NTN1: variants seen among roughly 807,000 people sequenced by gnomAD.
The protein encoded by NTN1 is netrin-1.
NTN1 carries 11 observed loss-of-function variants against 54.2 expected under a neutral mutation model. The observed-to-expected ratio is 0.20, with a 90% CI of 0.13 to 0.34. The LOEUF is 0.34. Ranked by LOEUF, NTN1 falls within the 10% of genes least tolerant of loss-of-function variation. NTN1 has a pLI of 1.00. For missense variants in NTN1, 740 were observed against 893.1 expected, an observed-to-expected ratio of 0.83 and a Z score of 2.18; for synonymous variants, 371 against 382.0, an observed-to-expected ratio of 0.97 and a Z score of 0.33.
rs371983861 is a variant in NTN1, at chr17:9,211,163, A to G, written c.1412-10005A>G. Among the ~76,000 whole-genome samples the G allele has an allele frequency of 1.3e-5, 2 of 152,124 alleles. No homozygotes were observed. Among genetic ancestry groups the G allele is most frequent in the African/African-American group, 2.4e-5 (1 of 41,428 alleles). ...GGACTCCCTGCAAACTGTAAGCCTC[A>G]TCTCTGGCTGTGCAAACCCCAGCTT... On this transcript the variant is annotated intron_variant, in intron 5 of 6. Coordinates refer to ENST00000173229, the MANE Select transcript of NTN1 (RefSeq NM_004822.3). This position sits in a 1 kb window ranked among gnomAD's most constrained non-coding sequence, Gnocchi z 4.4.
rs192041566 is a variant in NTN1 at position 9,058,048 on chromosome 17, T to C, written c.1018+34657T>C. On this transcript the variant is annotated intron_variant, in intron 2 of 6. Transcript: ENST00000173229. ...GACTACAGGCACATGCCACCATGCC[T>C]GGCTAATTTTTTGTATTTTTAGTAG... 2.4e-3 allele frequency among the ~76,000 whole-genome samples: 365 copies of C among 152,204 alleles called. 1 individual carries two copies. Among genetic ancestry groups the C allele is most frequent in the African/African-American group, 8.4e-3 (347 of 41,534 alleles).
Position 9,185,338 on chromosome 17 carries a change from T to C in NTN1, c.1411+2369T>C, listed in dbSNP as rs1390876784. The stretch of plus-strand genomic sequence containing the variant: ...CCCGGGAGCTCAGCGCTCTCAAACC[T>C]GTCCACTCTTGCCGTGTTTGAATAG... On this transcript the variant is annotated intron_variant, in intron 5 of 6. Coordinates refer to ENST00000173229, the MANE Select transcript of NTN1 (RefSeq NM_004822.3). 2.0e-5 allele frequency among the ~76,000 whole-genome samples: 3 copies of C among 151,968 alleles called. No homozygotes were observed. The East Asian group carries it at 5.8e-4, about 29-fold the overall frequency.
chr17:9,040,634 A>C (rs1473878572), intron 2 of NTN1, among the ~76,000 whole-genome samples: 2 of 152,192 alleles, frequency 1.3e-5, no homozygotes, highest in Non-Finnish European at 2.9e-5. Context: ...GGTATATATA[A>C]TAATGGTAAT....
At chr17:9,049,823 C>T (rs145672789) in intron 2 of NTN1, among the ~76,000 whole-genome samples, 341 of 152,192 alleles carry the variant, frequency 2.2e-3, no homozygotes, top group Non-Finnish European at 3.2e-3. Flanking sequence ...TTTCGATTTT[C>T]GGGTTTTGAT....
rs138213996 is a variant in NTN1 at position 9,168,204 on chromosome 17, G to C, written c.1207+5203G>C. Among the ~76,000 whole-genome samples, 818 of 152,280 alleles carry C rather than the reference G, an allele frequency of 5.4e-3. 9 individuals are homozygous for C. Among genetic ancestry groups the C allele is most frequent in the Non-Finnish European group, 8.2e-3 (556 of 68,014 alleles). On this transcript the variant is annotated intron_variant, in intron 3 of 6. Transcript: ENST00000173229. ...AAATGTTTTTTATGATTATCTTGAT[G>C]ATAACTGGGAGGTTGGGCATTTAAA...
rs958542515 is a variant in NTN1, at chr17:9,022,478, G to T, written c.105G>T (p.Ala35=). 1.4e-5 allele frequency: 22 copies of T among 1,526,374 alleles called. No homozygotes were observed. The highest frequency in any genetic ancestry group is 1.8e-5 in the Non-Finnish European group (21 of 1,141,824). 94.6% of individuals were successfully genotyped at this position (1,526,374 alleles called of 1,614,324 possible). The change falls in exon 2 of 7, where the codon GCG becomes GCT. Residue 35 remains alanine, a synonymous_variant. Transcript: ENST00000173229. ...GGCTCAGCATGTTCGCGGGCCAGGC[G>T]GCGCAGCCCGATCCCTGCTCGGACG... The part of the protein sequence containing the change: ...GPGLSMFAGQ[A]AQPDPCSDEN...
intron 2 of NTN1, among the ~76,000 whole-genome samples, chr17:9,094,443 A>G (rs1247734481): frequency 1.3e-5 from 2 of 152,150 alleles, no homozygotes; most frequent in Non-Finnish European, 2.9e-5. Flanking sequence ...ACACACACAT[A>G]TATGTATGTA....
At chr17:9,109,518 T>G (rs1215184662) in intron 2 of NTN1, among the ~76,000 whole-genome samples, 1 of 152,236 alleles carries the variant, frequency 6.6e-6, no homozygotes, top group Non-Finnish European at 1.5e-5. Flanking sequence ...CAAGCTACAA[T>G]GTATCCATTT....
At chr17:9,136,638 G>A (rs893027217) in intron 2 of NTN1, among the ~76,000 whole-genome samples, 5 of 152,194 alleles carry the variant, frequency 3.3e-5, no homozygotes, top group African/African-American at 1.2e-4. Context: ...AAACGCCTGT[G>A]TGCCAGCTCC....
intron 6 of NTN1, among the ~76,000 whole-genome samples, chr17:9,227,559 ACACT>A (rs1161037243): frequency 3.3e-5 from 2 of 59,980 alleles, no homozygotes; most frequent in Non-Finnish European, 3.3e-5. Context: ...ACAGGCACAC[ACACT>A]ATCACACACA....
intron 2 of NTN1, among the ~76,000 whole-genome samples, chr17:9,039,707 G>A (rs995348873): frequency 6.6e-6 from 1 of 152,050 alleles, no homozygotes; most frequent in Non-Finnish European, 1.5e-5. Flanking sequence ...ATATCTGTTT[G>A]CCTTTTCTAG....
chr17:9,134,680 T>C (rs2142273792), intron 2 of NTN1, among the ~76,000 whole-genome samples: 1 of 152,322 alleles, frequency 6.6e-6, no homozygotes, highest in Middle Eastern at 3.4e-3. Flanking sequence ...GTTCCAAATG[T>C]TCAGGGCCCA....
chr17:9,158,786 C>T (rs2092350330), intron 2 of NTN1, among the ~76,000 whole-genome samples: 1 of 152,178 alleles, frequency 6.6e-6, no homozygotes, highest in African/African-American at 2.4e-5. Flanking sequence ...CAGCTGCAGC[C>T]TCTTTCTTTG....
chr17:9,038,203 A>T (rs1027040759), intron 2 of NTN1, among the ~76,000 whole-genome samples: 4 of 116,344 alleles, frequency 3.4e-5, no homozygotes, highest in African/African-American at 1.0e-4. Flanking sequence ...ATTTGTGTCT[A>T]TCGGACTCTC....
chr17:9,061,516 C>T (rs966756459), intron 2 of NTN1, among the ~76,000 whole-genome samples: 6 of 152,102 alleles, frequency 3.9e-5, no homozygotes, highest in African/African-American at 1.4e-4. Flanking sequence ...TTTTGGCCTG[C>T]TTCAGAGTCA....
intron 5 of NTN1, among the ~76,000 whole-genome samples, chr17:9,190,322 C>T (rs992781894): frequency 4.6e-5 from 7 of 152,174 alleles, no homozygotes; most frequent in Non-Finnish European, 7.3e-5. Context: ...GCTATCAGTT[C>T]GCCCAGAAAT....
chr17:9,020,501 C>A (rs1195328703), upstream of NTN1, among the ~76,000 whole-genome samples: 2 of 152,222 alleles, frequency 1.3e-5, no homozygotes, highest in Admixed American at 6.5e-5. Flanking sequence ...GAATGCCCTG[C>A]AGTGGAAGGA....
chr17:9,233,636 A>G (rs373730359), intron 6 of NTN1, among the ~76,000 whole-genome samples: 6 of 152,098 alleles, frequency 3.9e-5, no homozygotes, highest in African/African-American at 1.4e-4. Flanking sequence ...GGATGCTCCA[A>G]GTCCCCCTCT....
intron 2 of NTN1, among the ~76,000 whole-genome samples, chr17:9,152,262 C>G (rs1236157172): frequency 6.6e-6 from 1 of 152,198 alleles, no homozygotes; most frequent in East Asian, 1.9e-4. Flanking sequence ...TCTGGACACA[C>G]TATTGCTCAC....
Sources: allele counts gnomAD v4.1 joint callset (sites outside exome capture counted in the v4.1 genomes callset), GRCh38; gene constraint gnomAD v4.1.1; non-coding constraint Gnocchi (gnomAD v3.1); transcripts MANE v1.5; gene names NCBI Gene and HGNC (gene_info 2026-07-23, HGNC 2026-07-21).